The following EPHA6 variants were observed in gnomAD, a reference collection of about 807,000 sequenced individuals.
EPHA6 encodes ephrin type-A receptor 6.
A neutral mutation model predicts 112.0 loss-of-function variants in EPHA6; 50 were observed. The observed-to-expected ratio is 0.45, with a 90% CI of 0.36 to 0.56. The LOEUF is 0.56. EPHA6 is among the 20% of genes least tolerant of loss of function. The pLI is 0.00. For missense variants in EPHA6, 1,280 were observed against 1,417.4 expected (o/e 0.90, Z 1.56); for synonymous variants, 529 against 490.7 (o/e 1.08, Z -1.03).
At chr3:97,555,673 G>A (rs1419318754) in intron 11 of EPHA6, among the ~76,000 whole-genome samples, 2 of 152,060 alleles carry the variant, frequency 1.3e-5, no homozygotes, top group Non-Finnish European at 2.9e-5. Context: ...TTCTCTGATG[G>A]CCAGTGATGG....
intron 11 of EPHA6, among the ~76,000 whole-genome samples, chr3:97,544,096 C>T (rs2092909178): frequency 6.6e-6 from 1 of 152,092 alleles, no homozygotes; most frequent in African/African-American, 2.4e-5. Context: ...CTTCTCCTGC[C>T]TGATTGTCCT....
intron 1 of EPHA6, among the ~76,000 whole-genome samples, chr3:96,861,097 C>G (rs2035980057): frequency 6.6e-6 from 1 of 151,864 alleles, no homozygotes; most frequent in Non-Finnish European, 1.5e-5. Context: ...CTGGTAATAG[C>G]AGGTTTTAGG....
At chr3:97,368,520 C>T (rs1243112850) in intron 5 of EPHA6, among the ~76,000 whole-genome samples, 1 of 152,090 alleles carries the variant, frequency 6.6e-6, no homozygotes, top group East Asian at 1.9e-4. Flanking sequence ...ACCTATCTAT[C>T]ATAACAACCA....
intron 12 of EPHA6, among the ~76,000 whole-genome samples, chr3:97,604,768 C>T (rs1004990235): frequency 6.6e-6 from 1 of 151,714 alleles, no homozygotes; most frequent in Non-Finnish European, 1.5e-5. Context: ...TTGAATTTTT[C>T]TGTCTTCAAA....
At chr3:97,299,211 G>GTGTT (rs1491295783) in intron 5 of EPHA6, among the ~76,000 whole-genome samples, 3 of 148,128 alleles carry the variant, frequency 2.0e-5, no homozygotes, top group African/African-American at 7.7e-5. Flanking sequence ...GTGTGTGTGT[G>GTGTT]TAGGGGGGAG....
intron 10 of EPHA6, among the ~76,000 whole-genome samples, chr3:97,519,518 G>A (rs1320042066): frequency 1.3e-5 from 2 of 152,052 alleles, no homozygotes; most frequent in Non-Finnish European, 2.9e-5. Context: ...TATTTCTGTG[G>A]CAAATTACAT....
Position 97,130,209 on chromosome 3 carries a change from A to G in EPHA6, c.1115-96055A>G, listed in dbSNP as rs192791005. Among the ~76,000 whole-genome samples the G allele has an allele frequency of 9.9e-5, 15 of 152,130 alleles. 1 individual carries two copies. Among genetic ancestry groups the G allele is most frequent in the Admixed American group, 9.2e-4 (14 of 15,276 alleles). On this transcript the variant is annotated intron_variant, in intron 3 of 17. Coordinates refer to ENST00000389672, the MANE Select transcript of EPHA6 (RefSeq NM_001080448.3). ...CTTTTGATATTTTCTCTCTTGGATTATGCACATGTCTACAGTATTCTGGGT... is the reference window on the plus strand; with the variant it reads ...CTTTTGATATTTTCTCTCTTGGATTGTGCACATGTCTACAGTATTCTGGGT...
At chr3:97,119,962 G>A (rs1452107839) in intron 3 of EPHA6, among the ~76,000 whole-genome samples, 4 of 151,886 alleles carry the variant, frequency 2.6e-5, no homozygotes, top group East Asian at 1.9e-4. Context: ...GCTGAATTCC[G>A]GAGTTGCAGC....
At chr3:97,400,708 T>C (rs185636801) in intron 5 of EPHA6, among the ~76,000 whole-genome samples, 1 of 151,872 alleles carries the variant, frequency 6.6e-6, no homozygotes, top group East Asian at 1.9e-4. Flanking sequence ...TGGGATTGCC[T>C]TGTTGGTTTT....
chr3:97,625,972 TC>T (rs1560204108), intron 13 of EPHA6, among the ~76,000 whole-genome samples: 1 of 151,728 alleles, frequency 6.6e-6, no homozygotes, highest in Non-Finnish European at 1.5e-5. Flanking sequence ...GATGCCTGAT[TC>T]TATTGCATTT....
intron 14 of EPHA6, among the ~76,000 whole-genome samples, chr3:97,708,816 G>A (rs777058910): frequency 1.3e-5 from 2 of 152,230 alleles, no homozygotes; most frequent in African/African-American, 4.8e-5. Context: ...AAGAGGCCAA[G>A]GTACAGCTCG....
chr3:97,259,951 C>G (rs144114992), intron 5 of EPHA6, among the ~76,000 whole-genome samples: 1,931 of 151,994 alleles, frequency 0.013, 35 homozygotes, highest in African/African-American at 0.042. Flanking sequence ...CAGGCACGTG[C>G]CACCACACCT....
chr3:96,843,211 T>G (rs2107332767), intron 1 of EPHA6, among the ~76,000 whole-genome samples: 1 of 152,184 alleles, frequency 6.6e-6, no homozygotes, highest in African/African-American at 2.4e-5. Flanking sequence ...AGAGGTTGAC[T>G]TGGATAGAAT....
At chr3:96,875,524 G>A (rs901580544) in intron 2 of EPHA6, among the ~76,000 whole-genome samples, 3 of 152,068 alleles carry the variant, frequency 2.0e-5, no homozygotes, top group Non-Finnish European at 4.4e-5. Flanking sequence ...CTATGGTGAG[G>A]AAGAAAAGTA....
At chr3:97,702,366 T>C (rs1231500971) in intron 14 of EPHA6, among the ~76,000 whole-genome samples, 3 of 152,142 alleles carry the variant, frequency 2.0e-5, no homozygotes, top group Admixed American at 1.3e-4. Flanking sequence ...AATGAGAAAG[T>C]TTTATGTAAA....
At chr3:96,948,657 T>A (rs1403424375) in intron 2 of EPHA6, among the ~76,000 whole-genome samples, 1 of 152,214 alleles carries the variant, frequency 6.6e-6, no homozygotes, top group Non-Finnish European at 1.5e-5. Context: ...TATCTTCAGG[T>A]ATGCCTCCTT....
At chr3:96,997,943 A>G (rs990321788) in intron 3 of EPHA6, among the ~76,000 whole-genome samples, 5 of 152,016 alleles carry the variant, frequency 3.3e-5, no homozygotes, top group African/African-American at 1.2e-4. Flanking sequence ...ATGCTTGTAC[A>G]TTATAGTTTG....
At position 97,510,213 on chromosome 3, in the gene EPHA6, T is replaced by A. The variant is rs372541873; in HGVS notation, c.2201-22145T>A. Among the ~76,000 whole-genome samples, 11 of 152,350 alleles carry A rather than the reference T, an allele frequency of 7.2e-5. No individual in the cohort carries two copies. In the East Asian group the frequency reaches 1.7e-3, roughly 24 times the overall value. On this transcript the variant is annotated intron_variant, in intron 10 of 17. Coordinates refer to ENST00000389672, the MANE Select transcript of EPHA6 (RefSeq NM_001080448.3). ...GCCTATTTGTCAAACTTATTCTGCA[T>A]CCAGTTTTGTTCCCTTGCTTGTGAG...
chr3:97,247,443 C>G (rs1269487364), intron 5 of EPHA6, among the ~76,000 whole-genome samples: 1 of 151,790 alleles, frequency 6.6e-6, no homozygotes, highest in Non-Finnish European at 1.5e-5. Flanking sequence ...CTAGGGTGCT[C>G]TGAAAGCATA....
Sources: gnomAD v4.1 joint callset for allele counts (sites outside exome capture counted in the v4.1 genomes callset) on GRCh38, gnomAD v4.1.1 for gene constraint, MANE v1.5 for transcripts, NCBI Gene and HGNC (gene_info 2026-07-23, HGNC 2026-07-21) for gene names.